Variants in CHST11 observed in about 807,000 individuals in gnomAD.
CHST11 encodes C4S-1.
In CHST11, 9 loss-of-function variants were observed where a neutral mutation model predicts 30.4. The observed-to-expected ratio is 0.30, with a 90% CI of 0.18 to 0.52. CHST11 has a LOEUF of 0.52. Among genes scored for constraint, CHST11 ranks in the 20% least tolerant of loss-of-function variants. CHST11 has a pLI of 0.97. For missense variants in CHST11, 348 were observed against 460.6 expected (o/e 0.76, Z 2.24); for synonymous variants, 152 against 187.8 (o/e 0.81, Z 1.56).
intron 1 of CHST11, among the ~76,000 whole-genome samples, chr12:104,595,410 C>T (rs1043255391): frequency 6.6e-5 from 10 of 152,156 alleles, no homozygotes; most frequent in African/African-American, 2.4e-4. Flanking sequence ...TGTTTCACTG[C>T]TCCCCACCCA....
At chr12:104,639,729 T>C (rs932343385) in intron 2 of CHST11, among the ~76,000 whole-genome samples, 6 of 152,008 alleles carry the variant, frequency 3.9e-5, no homozygotes, top group Admixed American at 3.9e-4. Flanking sequence ...TCTGAGGGAG[T>C]AGTGTTTGGC....
chr12:104,616,992 C>T (rs1055856266), intron 2 of CHST11, among the ~76,000 whole-genome samples: 10 of 152,290 alleles, frequency 6.6e-5, no homozygotes, highest in East Asian at 5.8e-4. Flanking sequence ...AATAAAAGGC[C>T]GTGTTTATGC....
At position 104,475,677 on chromosome 12, in the gene CHST11, TA is replaced by T. The variant is rs1565954835; in HGVS notation, c.118+18149del. Among the ~76,000 whole-genome samples, 105 of 121,366 alleles carry T rather than the reference TA, an allele frequency of 8.7e-4. 6 individuals carry two copies. Among genetic ancestry groups the T allele is most frequent in the Admixed American group, 3.0e-3 (32 of 10,564 alleles). 79.6% of individuals were successfully genotyped at this position (121,366 alleles called of 152,430 possible). ...GCAGCATTATATATATATATATATA[TA>T]TATATATATATATTTCTGATTATGA... On this transcript the variant is annotated intron_variant, in intron 1 of 2. Coordinates refer to ENST00000303694, the MANE Select transcript of CHST11 (RefSeq NM_018413.6).
chr12:104,641,123 C>G (rs1328171789), intron 2 of CHST11, among the ~76,000 whole-genome samples: 1 of 152,144 alleles, frequency 6.6e-6, no homozygotes, highest in Non-Finnish European at 1.5e-5. Context: ...ATTACCTTCC[C>G]ACTCCTTCCC....
In CHST11 at chr12:104,458,294, G is replaced by A. The variant is rs1005135657; in HGVS notation, c.118+765G>A. 7.2e-5 allele frequency among the ~76,000 whole-genome samples: 11 copies of A among 152,208 alleles called. No homozygotes were observed. The highest frequency in any genetic ancestry group is 1.3e-4 in the Admixed American group (2 of 15,290). On this transcript the variant is annotated intron_variant, in intron 1 of 2. Coordinates refer to ENST00000303694, the MANE Select transcript of CHST11 (RefSeq NM_018413.6). This position sits in a 1 kb window ranked among gnomAD's most constrained non-coding sequence, Gnocchi z 5.7. ...CGCCTTGACCACTGCAGTTTTGGAG[G>A]AAACTTTGGCCAGGTCCTGGGCTGA...
chr12:104,580,710 C>T (rs772635437), intron 1 of CHST11, among the ~76,000 whole-genome samples: 6 of 152,130 alleles, frequency 3.9e-5, no homozygotes, highest in Non-Finnish European at 7.3e-5. Flanking sequence ...AATGGGTGCT[C>T]AGTCTTCTGA....
At chr12:104,637,302 T>TCTCA in intron 2 of CHST11, among the ~76,000 whole-genome samples, 1 of 62,572 alleles carries the variant, frequency 1.6e-5, no homozygotes. Context: ...TGAGACCCTG[T>TCTCA]AAAAAAAAAA....
intron 2 of CHST11, among the ~76,000 whole-genome samples, chr12:104,735,935 G>A (rs12426228): frequency 0.051 from 7,839 of 152,238 alleles, 658 homozygotes; most frequent in East Asian, 0.33. Context: ...AGCAGCAGTC[G>A]AGGCTCAAGG....
intron 1 of CHST11, among the ~76,000 whole-genome samples, chr12:104,515,120 G>T (rs1697821211): frequency 6.6e-6 from 1 of 151,958 alleles, no homozygotes; most frequent in Admixed American, 6.6e-5. Context: ...TCTTAAAATG[G>T]TTGGGAAAAA....
chr12:104,511,250 TTC>T (rs2037962640), intron 1 of CHST11, among the ~76,000 whole-genome samples: 3 of 152,220 alleles, frequency 2.0e-5, no homozygotes, highest in Admixed American at 2.0e-4. Context: ...CCTCCCAGCC[TTC>T]TCCTCACCTC....
intron 2 of CHST11, among the ~76,000 whole-genome samples, chr12:104,714,503 A>G (rs2040113090): frequency 1.3e-5 from 2 of 152,190 alleles, no homozygotes; most frequent in African/African-American, 2.4e-5. Context: ...TTAAAATATA[A>G]AATTGCCTGA....
At chr12:104,689,137 C>A (rs1433008652) in intron 2 of CHST11, among the ~76,000 whole-genome samples, 1 of 152,126 alleles carries the variant, frequency 6.6e-6, no homozygotes, top group Non-Finnish European at 1.5e-5. Flanking sequence ...GTTCTTCATT[C>A]TTTTGTGACT....
chr12:104,580,628 G>A (rs2038733884), intron 1 of CHST11, among the ~76,000 whole-genome samples: 1 of 152,208 alleles, frequency 6.6e-6, no homozygotes, highest in South Asian at 2.1e-4. Flanking sequence ...AAGTTTGGGA[G>A]CCCAATTTTT....
chr12:104,608,226 C>G (rs1218021742), intron 2 of CHST11, among the ~76,000 whole-genome samples: 1 of 152,076 alleles, frequency 6.6e-6, no homozygotes, highest in East Asian at 1.9e-4. Context: ...CTAAGATGAC[C>G]TATAACTTGC....
chr12:104,535,510 C>T (rs1329281727), intron 1 of CHST11, among the ~76,000 whole-genome samples: 1 of 152,144 alleles, frequency 6.6e-6, no homozygotes, highest in Non-Finnish European at 1.5e-5. Context: ...TCTCTTTGAC[C>T]ATGCTGCATT....
At chr12:104,698,241 C>T (rs2039963611) in intron 2 of CHST11, among the ~76,000 whole-genome samples, 1 of 152,122 alleles carries the variant, frequency 6.6e-6, no homozygotes, top group Admixed American at 6.5e-5. Flanking sequence ...TTTCATCATC[C>T]CAACCTCAAC....
At chr12:104,563,036 G>GTTGTTTGT (rs763825096) in intron 1 of CHST11, among the ~76,000 whole-genome samples, 1 of 151,916 alleles carries the variant, frequency 6.6e-6, no homozygotes, top group African/African-American at 2.4e-5. Flanking sequence ...TTTTGTTGTT[G>GTTGTTTGT]TTGTTTGTTT....
intron 2 of CHST11, among the ~76,000 whole-genome samples, chr12:104,602,797 C>T (rs146887293): frequency 1.5e-3 from 235 of 152,330 alleles, no homozygotes; most frequent in Middle Eastern, 6.8e-3. Flanking sequence ...GCTTTGGCTA[C>T]AGTCTCTGAC....
At chr12:104,572,302 C>G (rs1342032139) in intron 1 of CHST11, among the ~76,000 whole-genome samples, 2 of 149,452 alleles carry the variant, frequency 1.3e-5, no homozygotes, top group East Asian at 3.9e-4. Context: ...CCAGCTCCTC[C>G]TTGTACCTCT....
Sources: gnomAD v4.1 joint callset for allele counts (sites outside exome capture counted in the v4.1 genomes callset) on GRCh38, gnomAD v4.1.1 for gene constraint, Gnocchi (gnomAD v3.1) non-coding constraint, MANE v1.5 for transcripts, NCBI Gene and HGNC (gene_info 2026-07-23, HGNC 2026-07-21) for gene names.